Variants in TIGAR observed in about 807,000 individuals in gnomAD.
The protein encoded by TIGAR is fructose-2,6-bisphosphatase TIGAR.
In TIGAR, 7 loss-of-function variants were observed where a neutral mutation model predicts 17.9. The observed-to-expected ratio is 0.39, with a 90% CI of 0.22 to 0.73. The LOEUF is 0.73. TIGAR is among the 30% of genes least tolerant of loss of function. The pLI, the probability that TIGAR is intolerant of heterozygous loss-of-function variation, is 0.42. For synonymous variants in TIGAR, 94 were observed against 108.6 expected (o/e 0.87, Z 0.84); for missense variants, 258 against 327.4 (o/e 0.79, Z 1.64).
At chr12:4,347,103 A>G (rs1864789705) in intron 3 of TIGAR, among the ~76,000 whole-genome samples, 1 of 152,250 alleles carries the variant, frequency 6.6e-6, no homozygotes, top group Non-Finnish European at 1.5e-5. Context: ...CTGCACTCCC[A>G]TATTGCAGCA....
At chr12:4,332,194 A>T (rs1864609998) in intron 2 of TIGAR, among the ~76,000 whole-genome samples, 1 of 148,592 alleles carries the variant, frequency 6.7e-6, no homozygotes, top group African/African-American at 2.5e-5. Flanking sequence ...TTAGTTCTTT[A>T]AGTTACAGCC....
At position 4,343,254 on chromosome 12, in the gene TIGAR, A is replaced by C. The variant is rs141398524; in HGVS notation, c.192+6094A>C. ...TAAAGCAAGTCCTTAGTGACCTACA[A>C]AGAGACTTCAACTCCCACACAATAA... On this transcript the variant is annotated intron_variant, in intron 3 of 5. Coordinates refer to ENST00000179259, the MANE Select transcript of TIGAR (RefSeq NM_020375.3). Among the ~76,000 whole-genome samples, 5 of 152,298 alleles carry C rather than the reference A, an allele frequency of 3.3e-5. No individual in the cohort carries two copies. The East Asian group carries it at 7.7e-4, about 23-fold the overall frequency.
intron 1 of TIGAR, among the ~76,000 whole-genome samples, chr12:4,325,855 T>C (rs1343664562): frequency 6.6e-6 from 1 of 152,186 alleles, no homozygotes; most frequent in Non-Finnish European, 1.5e-5. Context: ...TAAGCTGTAT[T>C]CGTGATATCA....
chr12:4,346,945 G>A (rs1252695939), intron 3 of TIGAR, among the ~76,000 whole-genome samples: 1 of 152,110 alleles, frequency 6.6e-6, no homozygotes, highest in Non-Finnish European at 1.5e-5. Context: ...GTATGCTGTT[G>A]GTGGGAATGT....
chr12:4,342,177 G>GT (rs1343064456), intron 3 of TIGAR, among the ~76,000 whole-genome samples: 3 of 152,122 alleles, frequency 2.0e-5, no homozygotes, highest in Non-Finnish European at 2.9e-5. Flanking sequence ...GAGAAGAGAG[G>GT]TTTAGAGAAA....
At position 4,359,601 on chromosome 12, in the gene TIGAR, C is replaced by T. The variant is rs1864953455; in HGVS notation, c.*6910C>T. Among the ~76,000 whole-genome samples the T allele has an allele frequency of 6.6e-6, 1 of 152,098 alleles. No individual in the cohort carries two copies. The highest frequency in any genetic ancestry group is 1.5e-5 in the Non-Finnish European group (1 of 68,006). On this transcript the variant is annotated 3_prime_UTR_variant, in exon 6 of 6. Coordinates refer to ENST00000179259, the MANE Select transcript of TIGAR (RefSeq NM_020375.3). The stretch of plus-strand genomic sequence containing the variant: ...GATACACAACAGTTTGTTTATTCTT[C>T]CATTGACGGAACACAAGGACCATTT...
At chr12:4,338,027 G>A (rs751926193) in intron 3 of TIGAR, among the ~76,000 whole-genome samples, 2 of 152,186 alleles carry the variant, frequency 1.3e-5, no homozygotes, top group Non-Finnish European at 2.9e-5. Context: ...CTACTTGGGA[G>A]GCTGAGGCAG....
chr12:4,344,269 C>T (rs569373998), intron 3 of TIGAR, among the ~76,000 whole-genome samples: 43 of 152,236 alleles, frequency 2.8e-4, no homozygotes, highest in South Asian at 4.2e-4. Flanking sequence ...CAGGACCAGA[C>T]GGATTCACAG....
intron 1 of TIGAR, chr12:4,324,720 G>T: frequency 1.4e-6 from 1 of 692,822 alleles, no homozygotes; most frequent in Admixed American, 2.8e-5. Context: ...TCAGCTGCTC[G>T]CAGGACACGT....
At chr12:4,345,263 A>C (rs1317474286) in intron 3 of TIGAR, among the ~76,000 whole-genome samples, 1 of 152,230 alleles carries the variant, frequency 6.6e-6, no homozygotes. Flanking sequence ...AACTACTTTA[A>C]AGTTCATATG....
intron 3 of TIGAR, 99 bp downstream of exon 3, chr12:4,337,259 C>T (rs1007906326): frequency 7.3e-5 from 61 of 833,558 alleles, no homozygotes; most frequent in South Asian, 3.1e-4. Context: ...CTCCATCTCC[C>T]GGGTTCAAGT....
At chr12:4,338,120 T>C (rs1342225311) in intron 3 of TIGAR, among the ~76,000 whole-genome samples, 1 of 140,350 alleles carries the variant, frequency 7.1e-6, no homozygotes, top group Non-Finnish European at 1.5e-5. Context: ...AGCAAGACTC[T>C]TGTCTCGAAA....
rs763569691 is a variant in TIGAR at position 4,331,347 on chromosome 12, C to T, written c.70+30C>T. 25 of 1,599,334 alleles carry T rather than the reference C, an allele frequency of 1.6e-5. No homozygotes were observed. The East Asian group carries it at 5.6e-4, about 36-fold the overall frequency. On this transcript the variant is annotated intron_variant, in intron 2 of 5. Coordinates refer to ENST00000179259, the MANE Select transcript of TIGAR (RefSeq NM_020375.3). Reference sequence around the variant, plus strand: ...GTATAATCCGATTGTTATTTTAGCTCTCACCCTTGTGTTAATAAGATGTGT... The same window carrying T: ...GTATAATCCGATTGTTATTTTAGCTTTCACCCTTGTGTTAATAAGATGTGT...
chr12:4,345,214 C>T (rs1439510240), intron 3 of TIGAR, among the ~76,000 whole-genome samples: 2 of 152,188 alleles, frequency 1.3e-5, no homozygotes, highest in African/African-American at 2.4e-5. Flanking sequence ...ATGCCATCCC[C>T]TTCGAGCTAC....
chr12:4,349,082 C>T (rs1591665504), intron 3 of TIGAR, among the ~76,000 whole-genome samples: 2 of 151,984 alleles, frequency 1.3e-5, no homozygotes, highest in African/African-American at 4.8e-5. Flanking sequence ...ATTTGAATGG[C>T]GAATTAAGGA....
At position 4,356,830 on chromosome 12, in the gene TIGAR, C is replaced by T. The variant is rs192015509; in HGVS notation, c.*4139C>T. Among the ~76,000 whole-genome samples, 51 of 152,286 alleles carry T rather than the reference C, an allele frequency of 3.3e-4. No individual in the cohort carries two copies. The highest frequency in any genetic ancestry group is 1.0e-4 in the Non-Finnish European group (7 of 68,018). ...CAGAAGTTTCCAGTTCCAGGCTTCA[C>T]CCCAGGCTCGCAGCTTCAAGCAGAG... On this transcript the variant is annotated 3_prime_UTR_variant, in exon 6 of 6. Transcript: ENST00000179259.
intron 3 of TIGAR, among the ~76,000 whole-genome samples, chr12:4,341,175 G>A (rs896095913): frequency 6.6e-6 from 1 of 152,094 alleles, no homozygotes; most frequent in African/African-American, 2.4e-5. Context: ...TATATAAGGA[G>A]CTCAAACAAC....
At chr12:4,344,482 TA>T (rs1465821760) in intron 3 of TIGAR, among the ~76,000 whole-genome samples, 1 of 152,168 alleles carries the variant, frequency 6.6e-6, no homozygotes, top group Non-Finnish European at 1.5e-5. Flanking sequence ...CTCAATAAAA[TA>T]CTGGCAAACC....
At chr12:4,326,911 C>G (rs1276098966) in intron 1 of TIGAR, among the ~76,000 whole-genome samples, 1 of 152,130 alleles carries the variant, frequency 6.6e-6, no homozygotes, top group African/African-American at 2.4e-5. Flanking sequence ...TAAATTTCTT[C>G]TCACCCCTCA....
Sources: allele counts gnomAD v4.1 joint callset (sites outside exome capture counted in the v4.1 genomes callset), GRCh38; gene constraint gnomAD v4.1.1; transcripts MANE v1.5; gene names NCBI Gene and HGNC (gene_info 2026-07-23, HGNC 2026-07-21).